Variants in NID1 observed in about 807,000 individuals in gnomAD.
NID1 encodes the protein nidogen-1.
A neutral mutation model predicts 130.6 loss-of-function variants in NID1; 76 were observed. That is an observed-to-expected ratio of 0.58 (90% CI 0.48 to 0.70). NID1 has a LOEUF of 0.70. Among genes scored for constraint, NID1 ranks in the 30% least tolerant of loss-of-function variants. The pLI is 0.00. For synonymous variants in NID1, 665 were observed against 675.1 expected, an observed-to-expected ratio of 0.98 and a Z score of 0.23; for missense variants, 1,517 against 1,664.8, an observed-to-expected ratio of 0.91 and a Z score of 1.54.
intron 5 of NID1, 85 bp downstream of exon 5, chr1:236,038,019 G>C: frequency 1.3e-6 from 2 of 1,488,634 alleles, no homozygotes; most frequent in South Asian, 1.3e-5. Flanking sequence ...GGAGATGTGG[G>C]TAAAGCAACA....
chr1:236,035,719 G>A (rs4660148), intron 5 of NID1, among the ~76,000 whole-genome samples: 1 of 151,998 alleles, frequency 6.6e-6, no homozygotes, highest in African/African-American at 2.4e-5. Flanking sequence ...ATGACTTTTC[G>A]TTGGGTTCCA....
At chr1:235,991,088 G>A (rs1041310798) in intron 13 of NID1, 30 bp from the exon 14 acceptor site, 1 of 1,541,864 alleles carries the variant, frequency 6.5e-7, no homozygotes, top group Non-Finnish European at 8.7e-7. Context: ...AGTGAGGGAG[G>A]CCCGTGTGCA....
In NID1 at chr1:236,045,605, G is replaced by T. The variant is rs777597043; in HGVS notation, c.604C>A (p.Gln202Lys). The change falls in exon 3 of 20, where the codon CAG becomes AAG. Residue 202 changes from glutamine (Q) to lysine (K), a missense_variant. Coordinates refer to ENST00000264187, the MANE Select transcript of NID1 (RefSeq NM_002508.3). ...TTCTTTGAGAATGTCGTATGGAACT[G>T]CAGACCATCCTCAGGATAAAGGAAA... Reference protein sequence around the residue: ...AIFLYPEDGLQFHTTFSKKEN... With the variant: ...AIFLYPEDGLKFHTTFSKKEN... The T allele has an allele frequency of 1.9e-6, 3 of 1,614,062 alleles. No individual in the cohort carries two copies. Among genetic ancestry groups the T allele is most frequent in the African/African-American group, 2.7e-5 (2 of 74,934 alleles).
At position 236,045,536 on chromosome 1, in the gene NID1, AAC is replaced by A. The variant is rs1400285286; in HGVS notation, c.671_672del (p.Gly224ValfsTer13). On this transcript the variant is annotated frameshift_variant, in exon 3 of 20. Transcript: ENST00000264187. LOFTEE classifies it high-confidence loss of function. The stretch of plus-strand genomic sequence containing the variant: ...TTGCTCTTCCATAAGAATCCCACTG[AAC>A]CTTGACTGAATGCAACCACGGCAGG... ...QVPAVVAFSQ[G>X]SVGFLWKSNG... 5.6e-6 allele frequency: 9 copies of A among 1,614,088 alleles called. No homozygotes were observed. Among genetic ancestry groups the A allele is most frequent in the Non-Finnish European group, 7.6e-6 (9 of 1,180,052 alleles).
At chr1:235,993,972 A>G in intron 12 of NID1, 100 bp from the exon 13 acceptor site, 1 of 1,047,802 alleles carries the variant, frequency 9.5e-7, no homozygotes, top group Non-Finnish European at 1.4e-6. Flanking sequence ...CAGAACCACG[A>G]GGGCTGCCTG....
chr1:236,051,870 T>C (rs1017229313), intron 1 of NID1, among the ~76,000 whole-genome samples: 1 of 152,256 alleles, frequency 6.6e-6, no homozygotes, highest in African/African-American at 2.4e-5. Context: ...GTGTCTTTTA[T>C]TATTTGGAAT....
Position 235,979,788 on chromosome 1 carries a change from G to C in NID1, c.3509+34C>G. ...CCAGAGACAGTGGGTGGAGGGGCAG[G>C]CCCACGCAGCCCCCATGGCTACAGC... is the stretch of plus-strand genomic sequence containing the variant. On this transcript the variant is annotated intron_variant, in intron 18 of 19. Coordinates refer to ENST00000264187, the MANE Select transcript of NID1 (RefSeq NM_002508.3). This position sits in a 1 kb window ranked among gnomAD's most constrained non-coding sequence, Gnocchi z 4.6. 1.2e-6 allele frequency: 2 copies of C among 1,608,628 alleles called. No homozygotes were observed. Among genetic ancestry groups the C allele is most frequent in the Non-Finnish European group, 1.7e-6 (2 of 1,176,422 alleles).
Position 235,976,748 on chromosome 1 carries a change from TTC to T in NID1, c.*1117_*1118del, listed in dbSNP as rs1159445727. On this transcript the variant is annotated 3_prime_UTR_variant, in exon 20 of 20. Coordinates refer to ENST00000264187, the MANE Select transcript of NID1 (RefSeq NM_002508.3). ...AGGATATGAACCATTAGTATAAATA[TTC>T]AATTCAGTCTTTCCGGATTGTGTTG... 31 of 152,334 alleles carry T rather than the reference TTC, an allele frequency of 2.0e-4. No homozygotes were observed. The highest frequency in any genetic ancestry group is 7.5e-4 in the African/African-American group (31 of 41,584). 9.4% of individuals were successfully genotyped at this position (152,334 alleles called of 1,614,324 possible). A position where few individuals can be genotyped will look rare whatever the true frequency, so the allele number is the denominator to read the frequency against.
rs1386612023 is a variant in NID1, at chr1:236,007,258, TC to T, written c.2527+4662del. 1.1e-4 allele frequency among the ~76,000 whole-genome samples: 16 copies of T among 152,340 alleles called. 1 individual carries two copies. The highest frequency in any genetic ancestry group is 7.2e-4 in the Admixed American group (11 of 15,304). ...TATGTTGTCCAGGGTGTTCTTAAAC[TC>T]CTGGACCAGGTTTTACATTTCTAGC... On this transcript the variant is annotated intron_variant, in intron 12 of 19. Coordinates refer to ENST00000264187, the MANE Select transcript of NID1 (RefSeq NM_002508.3).
intron 19 of NID1, 150 bp downstream of exon 19, chr1:235,978,845 C>T: frequency 1.7e-6 from 1 of 602,490 alleles, no homozygotes; most frequent in Non-Finnish European, 3.0e-6. Context: ...AACTGGTTCA[C>T]CTGCTAATGA....
intron 4 of NID1, among the ~76,000 whole-genome samples, chr1:236,039,372 C>T (rs138780761): frequency 0.016 from 2,368 of 151,546 alleles, 49 homozygotes; most frequent in Middle Eastern, 0.071. Context: ...TGCCATTGTG[C>T]CTGGCTTATA....
chr1:236,060,094 G>A (rs1659998431), intron 1 of NID1, among the ~76,000 whole-genome samples: 2 of 126,866 alleles, frequency 1.6e-5, no homozygotes, highest in African/African-American at 6.0e-5. Flanking sequence ...GTGAGACTCA[G>A]TCTCAAAAAA....
chr1:235,978,545 G>A (rs183031836), intron 19 of NID1, among the ~76,000 whole-genome samples: 1 of 152,292 alleles, frequency 6.6e-6, no homozygotes, highest in Non-Finnish European at 1.5e-5. Context: ...TTGCTATGAG[G>A]ATTACATGAA....
intron 13 of NID1, 62 bp downstream of exon 13, chr1:235,993,583 C>A: frequency 7.3e-7 from 1 of 1,370,562 alleles, no homozygotes; most frequent in Non-Finnish European, 9.7e-7. Flanking sequence ...GCGTGTTCAG[C>A]AATTCCGGTC....
rs1658850808 is a variant in NID1, at chr1:236,024,051, T to A, written c.2128+19A>T. ...CGCCTGATTTCCCAGCCCCAACAAG[T>A]CAGAATCAAAGGCTGTACCATAGCA... On this transcript the variant is annotated intron_variant, in intron 9 of 19. Coordinates refer to ENST00000264187, the MANE Select transcript of NID1 (RefSeq NM_002508.3). 6.2e-7 allele frequency: 1 copy of A among 1,612,344 alleles called. No individual in the cohort carries two copies. Among genetic ancestry groups the A allele is most frequent in the African/African-American group, 1.3e-5 (1 of 74,870 alleles).
chr1:236,029,537 A>ACCTGGG lies in NID1; in HGVS notation c.1738+12_1738+13insCCCAGG. The ACCTGGG allele has an allele frequency of 6.4e-7, 1 of 1,552,044 alleles. No individual in the cohort carries two copies. The highest frequency in any genetic ancestry group is 8.7e-7 in the Non-Finnish European group (1 of 1,147,856). The stretch of plus-strand genomic sequence containing the variant: ...CGGTCTGGGGCTGGCCCTGGGACAC[A>ACCTGGG]GCTGGGGCTCACCTGAGGTGGAGTA... On this transcript the variant is annotated intron_variant, in intron 7 of 19. Transcript: ENST00000264187.
intron 8 of NID1, among the ~76,000 whole-genome samples, chr1:236,024,866 G>A (rs1658874551): frequency 6.6e-6 from 1 of 152,126 alleles, no homozygotes; most frequent in African/African-American, 2.4e-5. Flanking sequence ...CGCAGCGCCA[G>A]TGATGCAGAG....
At chr1:236,051,724 ACT>A (rs2102847947) in intron 1 of NID1, among the ~76,000 whole-genome samples, 1 of 152,136 alleles carries the variant, frequency 6.6e-6, no homozygotes, top group Admixed American at 6.5e-5. Flanking sequence ...GAAACGGCTC[ACT>A]CTCTCGAGCC....
At position 235,985,371 on chromosome 1, in the gene NID1, T is replaced by A. The variant is rs758413093; in HGVS notation, c.3055+8A>T. 6 of 1,614,044 alleles carry A rather than the reference T, an allele frequency of 3.7e-6. No homozygotes were observed. The highest frequency in any genetic ancestry group is 2.5e-6 in the Non-Finnish European group (3 of 1,179,932). ...ACCAAAAAGGAAAAATGATATTTGC[T>A]TACTTACCTTGTCTAATGATGGTGG... On this transcript the variant is annotated splice_region_variant and intron_variant, in intron 15 of 19. Transcript: ENST00000264187.
Sources: gnomAD v4.1 joint callset for allele counts (sites outside exome capture counted in the v4.1 genomes callset) on GRCh38, gnomAD v4.1.1 for gene constraint, Gnocchi (gnomAD v3.1) non-coding constraint, MANE v1.5 for transcripts, NCBI Gene and HGNC (gene_info 2026-07-23, HGNC 2026-07-21) for gene names.